Variants in CSMD1 observed in about 807,000 individuals in gnomAD.
CSMD1 encodes the protein CUB and sushi domain-containing protein 1.
In CSMD1, 213 loss-of-function variants were observed where a neutral mutation model predicts 417.5. The observed-to-expected ratio is 0.51, with a 90% CI of 0.46 to 0.57. CSMD1 has a LOEUF of 0.57. Among genes scored for constraint, CSMD1 ranks in the 20% least tolerant of loss-of-function variants. The pLI is 0.00. For synonymous variants in CSMD1, 2,862 were observed against 1,736.8 expected, an observed-to-expected ratio of 1.65 and a Z score of -16.11; for missense variants, 6,923 against 4,529.7, an observed-to-expected ratio of 1.53 and a Z score of -15.17.
chr8:3,708,685 C>A (rs2291213), intron 6 of CSMD1, among the ~76,000 whole-genome samples, 194 bp from the exon 7 acceptor site: 1 of 152,080 alleles, frequency 6.6e-6, no homozygotes, highest in Non-Finnish European at 1.5e-5. Context: ...TATCAAGCAG[C>A]AAGATCACAT....
intron 1 of CSMD1, among the ~76,000 whole-genome samples, chr8:4,938,558 G>C (rs555109217): frequency 6.6e-6 from 1 of 152,170 alleles, no homozygotes; most frequent in Non-Finnish European, 1.5e-5. Flanking sequence ...GATATTCCCT[G>C]CCCTCACACA....
At chr8:3,117,985 G>T (rs1816968051) in intron 42 of CSMD1, among the ~76,000 whole-genome samples, 1 of 152,064 alleles carries the variant, frequency 6.6e-6, no homozygotes, top group African/African-American at 2.4e-5. Flanking sequence ...TATTATAAAA[G>T]CTAAACAAAA....
intron 3 of CSMD1, among the ~76,000 whole-genome samples, chr8:4,115,964 TTTTATTTA>T (rs35791469): frequency 0.19 from 25,980 of 133,940 alleles, 2,760 homozygotes; most frequent in African/African-American, 0.28. Context: ...GTTTTCATTA[TTTTATTTA>T]TTTATTTATT....
At chr8:3,490,640 A>G (rs1043601214) in intron 11 of CSMD1, among the ~76,000 whole-genome samples, 2 of 152,128 alleles carry the variant, frequency 1.3e-5, no homozygotes, top group Admixed American at 6.6e-5. Flanking sequence ...AGGAAAAGAC[A>G]GGCAGAGAGA....
chr8:3,222,096 T>A (rs1181934987), intron 28 of CSMD1, among the ~76,000 whole-genome samples: 1 of 151,978 alleles, frequency 6.6e-6, no homozygotes, highest in African/African-American at 2.4e-5. Context: ...AAGTCACTGG[T>A]TTTCACTGAT....
intron 1 of CSMD1, among the ~76,000 whole-genome samples, chr8:4,657,524 A>T (rs544239527): frequency 6.6e-6 from 1 of 152,198 alleles, no homozygotes; most frequent in African/African-American, 2.4e-5. Context: ...AAGAACAAAC[A>T]TAGAAAAGAA....
intron 46 of CSMD1, among the ~76,000 whole-genome samples, chr8:3,101,130 G>A (rs1473587318): frequency 6.7e-6 from 1 of 149,418 alleles, no homozygotes; most frequent in Non-Finnish European, 1.5e-5. Context: ...ACAGGATGAA[G>A]AAACCTGACG....
chr8:3,983,756 G>C (rs1302348358), intron 5 of CSMD1, among the ~76,000 whole-genome samples: 1 of 152,178 alleles, frequency 6.6e-6, no homozygotes, highest in Admixed American at 6.5e-5. Context: ...AGCATCTGAT[G>C]GGGCTGTCAA....
intron 54 of CSMD1, among the ~76,000 whole-genome samples, chr8:2,993,032 T>C (rs536249634): frequency 6.6e-6 from 1 of 152,222 alleles, no homozygotes; most frequent in Non-Finnish European, 1.5e-5. Flanking sequence ...TATGCCTGGA[T>C]GAATTTTATC....
At chr8:4,352,618 C>A (rs1560428) in intron 3 of CSMD1, among the ~76,000 whole-genome samples, 2 of 152,002 alleles carry the variant, frequency 1.3e-5, no homozygotes, top group East Asian at 1.9e-4. Flanking sequence ...GTCATTTGCC[C>A]CGAGTGACAC....
At chr8:3,506,149 G>C (rs1360561360) in intron 10 of CSMD1, among the ~76,000 whole-genome samples, 1 of 152,138 alleles carries the variant, frequency 6.6e-6, no homozygotes, top group South Asian at 2.1e-4. Context: ...CAGAGGAAGT[G>C]CCAGGGAGGC....
chr8:4,682,588 A>G (rs1042774604), intron 1 of CSMD1, among the ~76,000 whole-genome samples: 1 of 152,148 alleles, frequency 6.6e-6, no homozygotes, highest in Non-Finnish European at 1.5e-5. Context: ...TAAATGTATG[A>G]TGCAGTCTGA....
At chr8:4,946,075 G>T (rs548768329) in intron 1 of CSMD1, among the ~76,000 whole-genome samples, 2 of 152,110 alleles carry the variant, frequency 1.3e-5, no homozygotes, top group Admixed American at 6.6e-5. Context: ...CGCTGGCAAC[G>T]AAAGTCCACT....
intron 1 of CSMD1, among the ~76,000 whole-genome samples, chr8:4,747,371 T>A (rs1775548455): frequency 6.6e-6 from 1 of 152,160 alleles, no homozygotes; most frequent in South Asian, 2.1e-4. Context: ...AGGATACGGT[T>A]TTCATGGCGA....
At chr8:3,522,713 C>G (rs931015406) in intron 10 of CSMD1, among the ~76,000 whole-genome samples, 3 of 152,036 alleles carry the variant, frequency 2.0e-5, no homozygotes, top group East Asian at 1.9e-4. Flanking sequence ...CACACCGATA[C>G]TGATTCTGCA....
intron 2 of CSMD1, among the ~76,000 whole-genome samples, chr8:4,496,324 T>G (rs1801975104): frequency 6.6e-6 from 1 of 152,176 alleles, no homozygotes; most frequent in Non-Finnish European, 1.5e-5. Flanking sequence ...AAAGGACTCC[T>G]TAGGTTCTGC....
At chr8:3,216,009 T>C (rs1797858613) in intron 29 of CSMD1, among the ~76,000 whole-genome samples, 1 of 149,314 alleles carries the variant, frequency 6.7e-6, no homozygotes, top group Admixed American at 6.7e-5. Context: ...TAATAAACTA[T>C]ATTTCCTATA....
At chr8:3,772,793 C>T (rs532373690) in intron 5 of CSMD1, among the ~76,000 whole-genome samples, 3 of 151,836 alleles carry the variant, frequency 2.0e-5, no homozygotes, top group East Asian at 1.9e-4. Context: ...AGCACCATGA[C>T]AGCCAACTGG....
chr8:4,337,983 A>T (rs1285653533), intron 3 of CSMD1, among the ~76,000 whole-genome samples: 4 of 152,122 alleles, frequency 2.6e-5, no homozygotes, highest in Non-Finnish European at 5.9e-5. Context: ...TCAACTGTAA[A>T]ATGTCTGTAT....
Sources: gnomAD v4.1 joint callset for allele counts (sites outside exome capture counted in the v4.1 genomes callset) on GRCh38, gnomAD v4.1.1 for gene constraint, MANE v1.5 for transcripts, NCBI Gene and HGNC (gene_info 2026-07-23, HGNC 2026-07-21) for gene names.